The following NRG1 variants were observed in gnomAD, a reference collection of about 807,000 sequenced individuals.
NRG1 encodes neuregulin 1.
A neutral mutation model predicts 63.8 loss-of-function variants in NRG1; 18 were observed. The observed-to-expected ratio is 0.28, with a 90% CI of 0.19 to 0.42. NRG1 has a LOEUF of 0.42. NRG1 is among the 10% of genes least tolerant of loss of function. The pLI is 1.00. For synonymous variants in NRG1, 302 were observed against 301.3 expected, an observed-to-expected ratio of 1.00 and a Z score of -0.02; for missense variants, 762 against 814.7, an observed-to-expected ratio of 0.94 and a Z score of 0.79.
chr8:31,640,598 A>T lies in NRG1; in HGVS notation c.37+1167A>T. On this transcript the variant is annotated intron_variant, in intron 1 of 10. Transcript: ENST00000519301. The surrounding 1 kb of genome is among the most constrained non-coding windows in gnomAD (Gnocchi z 6.3). ...GGGAGGCTCAAGGAGGACAGCAGGT[A>T]CATCTTCTTCATGGAGCCCGACGCC... The T allele has an allele frequency of 6.2e-7, 1 of 1,612,112 alleles. No individual in the cohort carries two copies. The highest frequency in any genetic ancestry group is 2.2e-5 in the East Asian group (1 of 44,816).
intron 1 of NRG1, among the ~76,000 whole-genome samples, chr8:31,930,977 G>A (rs1834810973): frequency 1.3e-5 from 2 of 152,072 alleles, no homozygotes; most frequent in African/African-American, 4.8e-5. Flanking sequence ...ATGTTTCTCA[G>A]GATTTGTATC....
chr8:32,431,826 A>G (rs2129486799), intron 1 of NRG1, among the ~76,000 whole-genome samples: 1 of 152,230 alleles, frequency 6.6e-6, no homozygotes, highest in South Asian at 2.1e-4. Flanking sequence ...GTGACTTCTG[A>G]ACCATTTTTG....
chr8:31,682,320 C>A (rs1808418354), intron 1 of NRG1, among the ~76,000 whole-genome samples: 1 of 152,080 alleles, frequency 6.6e-6, no homozygotes, highest in African/African-American at 2.4e-5. Flanking sequence ...ACATCCTCGC[C>A]ATTATGTGGT....
chr8:32,719,987 T>A (rs1820213999), intron 5 of NRG1, among the ~76,000 whole-genome samples: 1 of 152,174 alleles, frequency 6.6e-6, no homozygotes, highest in Non-Finnish European at 1.5e-5. Flanking sequence ...AATGACCATA[T>A]GACTTTTATT....
At chr8:32,020,020 C>G (rs568805001) in intron 1 of NRG1, among the ~76,000 whole-genome samples, 1 of 152,244 alleles carries the variant, frequency 6.6e-6, no homozygotes, top group African/African-American at 2.4e-5. Context: ...ACCTCCTCCC[C>G]ATGCCTACCC....
At chr8:32,554,628 TA>T (rs1834767678) in intron 1 of NRG1, among the ~76,000 whole-genome samples, 1 of 152,256 alleles carries the variant, frequency 6.6e-6, no homozygotes, top group Admixed American at 6.5e-5. Context: ...GTTAATTTTT[TA>T]AAATTAGGAA....
intron 1 of NRG1, among the ~76,000 whole-genome samples, chr8:31,876,205 G>T (rs1332038139): frequency 1.3e-5 from 2 of 152,178 alleles, no homozygotes; most frequent in Non-Finnish European, 2.9e-5. Context: ...AGTAAAATGA[G>T]CCTAAGTTAG....
intron 1 of NRG1, among the ~76,000 whole-genome samples, chr8:32,015,522 GA>G (rs1815381162): frequency 6.6e-6 from 1 of 152,146 alleles, no homozygotes; most frequent in East Asian, 1.9e-4. Flanking sequence ...TGCACTTAAT[GA>G]TATTTCCTTG....
At position 31,640,872 on chromosome 8, in the gene NRG1, G is replaced by C. The variant is rs894878795; in HGVS notation, c.37+1441G>C. The C allele has an allele frequency of 7.3e-7, 1 of 1,377,202 alleles. No individual in the cohort carries two copies. The highest frequency in any genetic ancestry group is 1.5e-5 in the African/African-American group (1 of 65,624). 85.3% of individuals were successfully genotyped at this position (1,377,202 alleles called of 1,614,324 possible). On this transcript the variant is annotated intron_variant, in intron 1 of 10. Coordinates refer to the NRG1 transcript ENST00000519301. This position sits in a 1 kb window ranked among gnomAD's most constrained non-coding sequence, Gnocchi z 6.3. The stretch of plus-strand genomic sequence containing the variant: ...TTGGTTTCAGGGTGGTGGGTTCTCA[G>C]CGATCCTCAGAGAGGGAGGTTTCGC...
intron 1 of NRG1, among the ~76,000 whole-genome samples, chr8:32,064,495 T>G (rs1423266080): frequency 1.3e-5 from 2 of 152,134 alleles, no homozygotes; most frequent in African/African-American, 4.8e-5. Flanking sequence ...TTCAGCTGTC[T>G]TGGTAGGAGG....
intron 1 of NRG1, among the ~76,000 whole-genome samples, chr8:31,870,676 T>TA (rs1173255597): frequency 1.3e-5 from 2 of 152,208 alleles, no homozygotes; most frequent in South Asian, 4.1e-4. Flanking sequence ...CTTCATTTCC[T>TA]AAAGGGCATT....
intron 1 of NRG1, among the ~76,000 whole-genome samples, chr8:32,224,905 G>A (rs903859458): frequency 6.6e-6 from 1 of 152,120 alleles, no homozygotes; most frequent in Non-Finnish European, 1.5e-5. Context: ...AATGTGCCAG[G>A]CACTGTGTTA....
intron 1 of NRG1, among the ~76,000 whole-genome samples, chr8:31,874,186 C>G (rs145640694): frequency 2.0e-5 from 3 of 152,152 alleles, no homozygotes; most frequent in South Asian, 2.1e-4. Context: ...AGTCTTTCCT[C>G]GGGCTCAGTG....
exon 4 of NRG1, chr8:32,614,528 A>T: frequency 1.2e-6 from 2 of 1,612,558 alleles, no homozygotes; most frequent in Non-Finnish European, 1.7e-6. Context: ...CATCACTGGT[A>T]TGCCAGCCTC....
At chr8:32,462,595 C>CTTTTTTT (rs58485445) in intron 1 of NRG1, among the ~76,000 whole-genome samples, 32 of 72,288 alleles carry the variant, frequency 4.4e-4, no homozygotes, top group South Asian at 7.0e-4. Flanking sequence ...CACACTGATT[C>CTTTTTTT]TTTTTTTTTT....
In NRG1 at chr8:31,813,529, T is replaced by G. The variant is rs78670637; in HGVS notation, c.37+174098T>G. On this transcript the variant is annotated intron_variant, in intron 1 of 10. Coordinates refer to the NRG1 transcript ENST00000519301. ...TTCTTTTCTTTTCTTTTTTTTTTTT[T>G]TTTTGTTTTTTGAGACAGGTCTCCC... is the stretch of plus-strand genomic sequence containing the variant. Among the ~76,000 whole-genome samples the G allele has an allele frequency of 3.9e-3, 550 of 140,686 alleles. 2 individuals are homozygous for G. The highest frequency in any genetic ancestry group is 6.1e-3 in the Non-Finnish European group (399 of 65,466). 92.3% of individuals were successfully genotyped at this position (140,686 alleles called of 152,430 possible).
In NRG1 at chr8:32,498,915, A is replaced by T. The variant is rs899484366; in HGVS notation, c.38-96913A>T. On this transcript the variant is annotated intron_variant, in intron 1 of 10. Transcript: ENST00000519301. ...TTGCCTTCAGCTCAAAATAATCCTT[A>T]TGCCAAAGTAGCATATTTTGGGGTG... Among the ~76,000 whole-genome samples the T allele has an allele frequency of 2.0e-5, 3 of 152,196 alleles. No individual in the cohort carries two copies. The East Asian group carries it at 5.8e-4, about 29-fold the overall frequency.
intron 1 of NRG1, among the ~76,000 whole-genome samples, chr8:31,663,601 A>T (rs1015751367): frequency 6.6e-6 from 1 of 152,212 alleles, no homozygotes; most frequent in Non-Finnish European, 1.5e-5. Context: ...TACATAAAGC[A>T]TGAATAATTG....
At chr8:32,614,391 T>G in intron 3 of NRG1, 123 bp from the exon 4 acceptor site, 6 of 845,620 alleles carry the variant, frequency 7.1e-6, no homozygotes, top group African/African-American at 1.7e-5. Context: ...AGCCTGGACT[T>G]TTCTCACTCC....
Sources: gnomAD v4.1 joint callset for allele counts (sites outside exome capture counted in the v4.1 genomes callset) on GRCh38, gnomAD v4.1.1 for gene constraint, Gnocchi (gnomAD v3.1) non-coding constraint, MANE v1.5 for transcripts, NCBI Gene and HGNC (gene_info 2026-07-23, HGNC 2026-07-21) for gene names.